Variants in LZTR1 observed in about 807,000 individuals in gnomAD.
The protein encoded by LZTR1 is leucine zipper like post translational regulator 1.
A neutral mutation model predicts 105.7 loss-of-function variants in LZTR1; 260 were observed. That is an observed-to-expected ratio of 2.46 (90% CI 2.22 to 2.72). LZTR1 has a LOEUF of 2.72. Ranked by LOEUF, LZTR1 falls within the 30% of genes most tolerant of loss-of-function variation. The probability of loss-of-function intolerance (pLI) is 0.00; values close to 1 mark genes in which losing one functional copy is unlikely to be tolerated. For synonymous variants in LZTR1, 490 were observed against 476.4 expected (o/e 1.03, Z -0.37); for missense variants, 1,214 against 1,166.9 (o/e 1.04, Z -0.59).
At chr22:20,994,410 T>C in intron 14 of LZTR1, 141 bp downstream of exon 14, 4 of 1,250,744 alleles carry the variant, frequency 3.2e-6, no homozygotes, top group Non-Finnish European at 4.4e-6. Context: ...TTACCCATGA[T>C]CACTGCAGCT....
At chr22:20,995,116 G>A in intron 16 of LZTR1, 90 bp downstream of exon 16, 1 of 1,445,460 alleles carries the variant, frequency 6.9e-7, no homozygotes, top group Non-Finnish European at 9.4e-7. Flanking sequence ...GCACCTGCCA[G>A]GCCCTCGGGG....
chr22:20,993,667 C>G lies in LZTR1; in HGVS notation c.1266C>G (p.Ser422=). ...RSGEMYRFQF[S]CYPKCTLHED... The stretch of plus-strand genomic sequence containing the variant: ...TCACTGGGCCCCTCTTGCAGTTCTC[C>G]TGTTACCCTAAATGCACGCTGCACG... The change falls in exon 12 of 21, where the codon TCC becomes TCG. Residue 422 remains serine (S), a synonymous_variant. Transcript: ENST00000646124. 1.2e-6 allele frequency: 2 copies of G among 1,613,258 alleles called. No individual in the cohort carries two copies. The highest frequency in any genetic ancestry group is 1.7e-6 in the Non-Finnish European group (2 of 1,179,714).
At chr22:20,988,185 C>T (rs1033125568) in intron 5 of LZTR1, 67 bp downstream of exon 5, 2 of 1,000,390 alleles carry the variant, frequency 2.0e-6, no homozygotes, top group Non-Finnish European at 3.1e-6. Flanking sequence ...TGGGATCTGC[C>T]CCCTTTTGCC....
intron 4 of LZTR1, 34 bp from the exon 5 acceptor site, chr22:20,987,976 T>G: frequency 7.6e-7 from 1 of 1,307,950 alleles, no homozygotes; most frequent in Non-Finnish European, 1.1e-6. Flanking sequence ...AGACTGCCCT[T>G]TGGGTTTGAC....
rs1601723255 is a variant in LZTR1 at position 20,996,185 on chromosome 22, G to A, written c.2219+73G>A. 4 of 1,526,192 alleles carry A rather than the reference G, an allele frequency of 2.6e-6. No individual in the cohort carries two copies. In the East Asian group the frequency reaches 9.0e-5, roughly 34 times the overall value. 94.5% of individuals were successfully genotyped at this position (1,526,192 alleles called of 1,614,324 possible). On this transcript the variant is annotated intron_variant, in intron 18 of 20. Coordinates refer to ENST00000646124, the MANE Select transcript of LZTR1 (RefSeq NM_006767.4). ...GGCACCCACCTCAGGTGGCTTTGAG[G>A]CCCGCTCTCCTGCCCCAGCTAGGTG...
intron 2 of LZTR1, among the ~76,000 whole-genome samples, chr22:20,984,426 C>T (rs1924300569): frequency 6.6e-6 from 1 of 152,144 alleles, no homozygotes; most frequent in South Asian, 2.1e-4. Context: ...AAATGGGGGA[C>T]CTTCATCCTC....
rs749640575 is a variant in LZTR1, at chr22:20,996,719, A to C, written c.2243A>C (p.Tyr748Ser). ...DSLYLFAAPY[Y>S]YGFYNNRLQA... is the part of the protein sequence containing the mutation. ...AGCTACTTGTTTGCGGCCCCCTACT[A>C]CTACGGCTTCTACAACAACCGGCTG... is the stretch of plus-strand genomic sequence containing the variant. Residue 748 changes from tyrosine to serine, a missense_variant, in exon 19 of 21, where the codon TAC becomes TCC. Transcript: ENST00000646124. The C allele has an allele frequency of 6.2e-7, 1 of 1,613,506 alleles. No individual in the cohort carries two copies. The highest frequency in any genetic ancestry group is 8.5e-7 in the Non-Finnish European group (1 of 1,179,960).
rs148414532 is a variant in LZTR1 at position 20,990,559 on chromosome 22, C to T, written c.791+34C>T. The T allele has an allele frequency of 1.7e-3, 2,703 of 1,574,882 alleles. 41 individuals are homozygous for T. The African/African-American group carries it at 0.031, about 18-fold the overall frequency. On this transcript the variant is annotated intron_variant, in intron 8 of 20. Coordinates refer to ENST00000646124, the MANE Select transcript of LZTR1 (RefSeq NM_006767.4). ...TCTGGCCAGTGGGGTGGAGGGAGGACGGTCAGTTCCCTCGAATCCTTCTGA... is the reference window on the plus strand; with the variant it reads ...TCTGGCCAGTGGGGTGGAGGGAGGATGGTCAGTTCCCTCGAATCCTTCTGA...
At chr22:20,992,089 A>C (rs1235292945) in intron 9 of LZTR1, 125 bp from the exon 10 acceptor site, 21 of 966,214 alleles carry the variant, frequency 2.2e-5, no homozygotes, top group Non-Finnish European at 1.9e-5. Context: ...TTTCCTGGGA[A>C]GCCCACGGCC....
rs375479373 is a variant in LZTR1, at chr22:20,992,252, C to T, written c.1032C>T (p.Ser344=). ...GAEVPERACA[S]EEVPTLTYEE... is the part of the protein sequence containing the mutation. ...AAGTGCCCGAGCGAGCCTGTGCTTCCGAGGAGGTGCCCACCCTGACCTATG... is the reference window on the plus strand; with the variant it reads ...AAGTGCCCGAGCGAGCCTGTGCTTCTGAGGAGGTGCCCACCCTGACCTATG... The change falls in exon 10 of 21, where the codon TCC becomes TCT. Residue 344 remains serine, a synonymous_variant. Coordinates refer to ENST00000646124, the MANE Select transcript of LZTR1 (RefSeq NM_006767.4). 7.4e-6 allele frequency: 12 copies of T among 1,613,980 alleles called. No homozygotes were observed. Among genetic ancestry groups the T allele is most frequent in the Admixed American group, 5.0e-5 (3 of 60,018 alleles).
chr22:20,994,195 G>C lies in LZTR1; in HGVS notation c.1541G>C (p.Arg514Pro). Residue 514 changes from arginine to proline, a missense_variant, in exon 14 of 21, where the codon CGG becomes CCG. Physicochemically the swap from Arg to Pro is moderately radical, Grantham distance 103. Coordinates refer to ENST00000646124, the MANE Select transcript of LZTR1 (RefSeq NM_006767.4). ...ARPPLLHVAI[R>P]EAEARPFEVL... ...CCGCCCCTGCTGCACGTGGCCATCC[G>C]GGAGGCCGAGGCCCGGCCCTTCGAG... 1 of 1,603,118 alleles carries C rather than the reference G, an allele frequency of 6.2e-7. No individual in the cohort carries two copies. The highest frequency in any genetic ancestry group is 8.5e-7 in the Non-Finnish European group (1 of 1,178,500).
At chr22:20,985,702 T>C (rs1040918573) in intron 2 of LZTR1, 139 bp from the exon 3 acceptor site, 20 of 695,494 alleles carry the variant, frequency 2.9e-5, no homozygotes, top group Non-Finnish European at 4.8e-5. Flanking sequence ...TTCTTGGGCA[T>C]CAGCTGGTTG....
intron 8 of LZTR1, chr22:20,991,302 C>G (rs1924596535): frequency 5.5e-6 from 2 of 361,000 alleles, no homozygotes; most frequent in Non-Finnish European, 1.0e-5. Flanking sequence ...GCAATGGTCT[C>G]TGCACAACTT....
At position 20,993,885 on chromosome 22, in the gene LZTR1, G is replaced by A. The variant is rs997565775; in HGVS notation, c.1354-39G>A. 1.9e-6 allele frequency: 3 copies of A among 1,594,940 alleles called. No individual in the cohort carries two copies. The Admixed American group carries it at 5.1e-5, about 27-fold the overall frequency. ...CTGGGTCTCTGTTCTCTGGGGCGAG[G>A]GTCCTGTGCCCTCTGCCAGTGCATC... On this transcript the variant is annotated intron_variant, in intron 12 of 20. Transcript: ENST00000646124.
intron 18 of LZTR1, 56 bp from the exon 19 acceptor site, chr22:20,996,640 C>A: frequency 6.7e-7 from 1 of 1,486,592 alleles, no homozygotes; most frequent in South Asian, 1.1e-5. Context: ...CTGTCCTTCC[C>A]TGGGAGGGTG....
rs1028851051 is a variant in LZTR1, at chr22:20,988,781, C to A, written c.510-8C>A. On this transcript the variant is annotated splice_polypyrimidine_tract_variant and splice_region_variant and intron_variant, in intron 5 of 20. Coordinates refer to ENST00000646124, the MANE Select transcript of LZTR1 (RefSeq NM_006767.4). ...CCTCACTCCCTCCCCTCTTCCCTCACACTCCAGGTTGCCAGTCGCTAGGTC... is the reference window on the plus strand; with the variant it reads ...CCTCACTCCCTCCCCTCTTCCCTCAAACTCCAGGTTGCCAGTCGCTAGGTC... 1 of 1,612,002 alleles carries A rather than the reference C, an allele frequency of 6.2e-7. No individual in the cohort carries two copies. Among genetic ancestry groups the A allele is most frequent in the Admixed American group, 1.7e-5 (1 of 60,004 alleles).
At chr22:20,990,352 G>T (rs773239114) in intron 7 of LZTR1, 34 bp from the exon 8 acceptor site, 126 of 1,613,414 alleles carry the variant, frequency 7.8e-5, no homozygotes, top group Admixed American at 1.2e-4. Context: ...CGGGCCCTGT[G>T]AGGCCGGGGC....
chr22:20,988,576 G>A (rs1364177764), intron 5 of LZTR1, among the ~76,000 whole-genome samples: 1 of 152,210 alleles, frequency 6.6e-6, no homozygotes, highest in Non-Finnish European at 1.5e-5. Flanking sequence ...AAGGTTCTGT[G>A]CCTCTGTGGC....
intron 11 of LZTR1, chr22:20,993,306 G>A: frequency 2.2e-6 from 1 of 450,486 alleles, no homozygotes. Context: ...GTCAGGGCCA[G>A]CTTCCTGGAG....
Sources: allele counts gnomAD v4.1 joint callset (sites outside exome capture counted in the v4.1 genomes callset), GRCh38; gene constraint gnomAD v4.1.1; transcripts MANE v1.5; gene names NCBI Gene and HGNC (gene_info 2026-07-23, HGNC 2026-07-21).